Variants in DPY19L1 observed in about 807,000 individuals in gnomAD.
The protein encoded by DPY19L1 is protein C-mannosyl-transferase DPY19L1.
Under a neutral mutation model 96.9 loss-of-function variants are expected in DPY19L1, and 35 were observed. That is an observed-to-expected ratio of 0.36 (90% CI 0.28 to 0.48). The LOEUF is 0.48. Ranked by LOEUF, DPY19L1 falls within the 20% of genes least tolerant of loss-of-function variation. DPY19L1 has a pLI of 0.99. For missense variants in DPY19L1, 521 were observed against 777.9 expected (o/e 0.67, Z 3.93); for synonymous variants, 205 against 252.6 (o/e 0.81, Z 1.79).
At chr7:34,952,057 T>G (rs1406908565) in intron 13 of DPY19L1, among the ~76,000 whole-genome samples, 3 of 115,920 alleles carry the variant, frequency 2.6e-5, no homozygotes, top group Non-Finnish European at 5.4e-5. Flanking sequence ...AACATTGAAT[T>G]ACTAAACTTT....
intron 21 of DPY19L1, among the ~76,000 whole-genome samples, chr7:34,936,279 T>C (rs1783866003): frequency 1.3e-5 from 2 of 151,576 alleles, no homozygotes; most frequent in African/African-American, 4.8e-5. Flanking sequence ...AACATGAGAC[T>C]GTTAGAGCTA....
intron 7 of DPY19L1, among the ~76,000 whole-genome samples, chr7:34,976,210 G>A (rs1784826844): frequency 6.6e-6 from 1 of 152,154 alleles, no homozygotes; most frequent in Non-Finnish European, 1.5e-5. Context: ...TTCATGGAAG[G>A]AGGCCAAAAT....
chr7:34,970,820 T>A (rs1784709766), intron 8 of DPY19L1, among the ~76,000 whole-genome samples: 1 of 128,668 alleles, frequency 7.8e-6, no homozygotes, highest in African/African-American at 2.9e-5. Flanking sequence ...ACAACAGAAA[T>A]GGAAACATAA....
In DPY19L1 at chr7:34,945,669, T is replaced by G; in HGVS notation, c.1542A>C (p.Val514=). The change falls in exon 16 of 22, where the codon GTA becomes GTC. Residue 514 remains valine (V), a splice_region_variant and synonymous_variant. Coordinates refer to ENST00000638088, the MANE Select transcript of DPY19L1 (RefSeq NM_001366673.1). ...AAAATTCTTAATAGCATATTTACCT[T>G]ACATGTGTCTGTTGTTTAGCTAAGA... is the stretch of plus-strand genomic sequence containing the variant. The part of the protein sequence containing the change: ...WGVLAKQQTH[V]RKHQFDHGEL... The G allele has an allele frequency of 6.3e-7, 1 of 1,593,898 alleles. No individual in the cohort carries two copies. The highest frequency in any genetic ancestry group is 8.6e-7 in the Non-Finnish European group (1 of 1,167,554).
chr7:35,020,750 C>A (rs1165429552), intron 1 of DPY19L1, among the ~76,000 whole-genome samples: 3 of 151,966 alleles, frequency 2.0e-5, no homozygotes, highest in Admixed American at 1.3e-4. Flanking sequence ...GCTCTGTCAC[C>A]CAGGCTGGAG....
Position 34,946,299 on chromosome 7 carries a change from A to G in DPY19L1, c.1495-583T>C, listed in dbSNP as rs192085474. 1.3e-3 allele frequency among the ~76,000 whole-genome samples: 202 copies of G among 152,306 alleles called. 1 individual carries two copies. Among genetic ancestry groups the G allele is most frequent in the Non-Finnish European group, 6.6e-4 (45 of 68,022 alleles). On this transcript the variant is annotated intron_variant, in intron 15 of 21. Coordinates refer to ENST00000638088, the MANE Select transcript of DPY19L1 (RefSeq NM_001366673.1). Reference sequence around the variant, plus strand: ...AATCCACCAGCTGCTGCTTGAATCTATAACACTTTCCTTATCAGTCGAGAT... The same window carrying G: ...AATCCACCAGCTGCTGCTTGAATCTGTAACACTTTCCTTATCAGTCGAGAT...
chr7:35,004,089 G>A (rs1041724136), intron 6 of DPY19L1, among the ~76,000 whole-genome samples: 1 of 152,214 alleles, frequency 6.6e-6, no homozygotes, highest in Non-Finnish European at 1.5e-5. Flanking sequence ...CTTTTGATGG[G>A]GGTGAGACAT....
At chr7:35,024,098 A>G (rs1307569745) in intron 1 of DPY19L1, among the ~76,000 whole-genome samples, 1 of 151,974 alleles carries the variant, frequency 6.6e-6, no homozygotes, top group Non-Finnish European at 1.5e-5. Context: ...AGCCTCCCAA[A>G]GTGCCGGGAT....
intron 20 of DPY19L1, 97 bp downstream of exon 20, chr7:34,939,179 T>G (rs1356544287): frequency 9.3e-7 from 1 of 1,073,648 alleles, no homozygotes; most frequent in Non-Finnish European, 1.3e-6. Flanking sequence ...GTTCATCATA[T>G]CCTTTTGAAA....
chr7:34,970,519 A>C (rs1784702373), intron 8 of DPY19L1, among the ~76,000 whole-genome samples: 1 of 152,188 alleles, frequency 6.6e-6, no homozygotes, highest in East Asian at 1.9e-4. Context: ...CTTTTGTTTC[A>C]GCTGTGTGCA....
At chr7:34,999,185 A>G (rs1434304075) in intron 6 of DPY19L1, among the ~76,000 whole-genome samples, 1 of 152,184 alleles carries the variant, frequency 6.6e-6, no homozygotes, top group Middle Eastern at 3.2e-3. Flanking sequence ...TTACGGGACT[A>G]AAGAGAGAAA....
At chr7:35,016,925 A>C (rs1267364130) in intron 3 of DPY19L1, among the ~76,000 whole-genome samples, 1 of 152,216 alleles carries the variant, frequency 6.6e-6, no homozygotes, top group Non-Finnish European at 1.5e-5. Context: ...ACATATTAAA[A>C]GACTTAAGAT....
chr7:34,976,906 C>T (rs1784842652), intron 7 of DPY19L1, among the ~76,000 whole-genome samples: 1 of 152,046 alleles, frequency 6.6e-6, no homozygotes, highest in African/African-American at 2.4e-5. Context: ...GCCTCAGCCT[C>T]CCGAGTAGCT....
At position 34,930,307 on chromosome 7, in the gene DPY19L1, G is replaced by A. The variant is rs906543815; in HGVS notation, c.*1266C>T. The A allele has an allele frequency of 4.0e-5, 6 of 151,830 alleles. No individual in the cohort carries two copies. The highest frequency in any genetic ancestry group is 8.8e-5 in the Non-Finnish European group (6 of 67,942). 9.4% of individuals were successfully genotyped at this position (151,830 alleles called of 1,614,324 possible). The stretch of plus-strand genomic sequence containing the variant: ...TCATTTCACACAAATTAACTTCTAA[G>A]AAACAAAAATTCATACAAGGAATTC... On this transcript the variant is annotated 3_prime_UTR_variant, in exon 22 of 22. Transcript: ENST00000638088.
intron 20 of DPY19L1, among the ~76,000 whole-genome samples, chr7:34,938,539 T>C (rs1783922333): frequency 6.6e-6 from 1 of 152,236 alleles, no homozygotes; most frequent in Non-Finnish European, 1.5e-5. Flanking sequence ...TGGTTCTTCA[T>C]TTTATTTCTA....
intron 10 of DPY19L1, 79 bp from the exon 11 acceptor site, chr7:34,958,149 T>C (rs1479577245): frequency 2.1e-6 from 2 of 930,544 alleles, no homozygotes; most frequent in African/African-American, 1.7e-5. Context: ...AAACTGCACA[T>C]GCCCATAATA....
At chr7:34,985,721 T>C (rs1223482318) in intron 7 of DPY19L1, among the ~76,000 whole-genome samples, 1 of 152,050 alleles carries the variant, frequency 6.6e-6, no homozygotes, top group Non-Finnish European at 1.5e-5. Context: ...ACACTGTTGG[T>C]AGGAATGTAA....
At chr7:35,033,128 T>C (rs115632756) in intron 1 of DPY19L1, among the ~76,000 whole-genome samples, 2,091 of 152,342 alleles carry the variant, frequency 0.014, 13 homozygotes, top group Middle Eastern at 0.02. Context: ...ATCTGGCCCA[T>C]GCCCATCTCA....
intron 6 of DPY19L1, among the ~76,000 whole-genome samples, chr7:35,006,124 C>A (rs140921568): frequency 6.6e-6 from 1 of 152,166 alleles, no homozygotes; most frequent in Non-Finnish European, 1.5e-5. Flanking sequence ...TGCTTATAAA[C>A]CCTGTTATTG....
Sources: gnomAD v4.1 joint callset for allele counts (sites outside exome capture counted in the v4.1 genomes callset) on GRCh38, gnomAD v4.1.1 for gene constraint, MANE v1.5 for transcripts, NCBI Gene and HGNC (gene_info 2026-07-23, HGNC 2026-07-21) for gene names.